KHDRBS2: variants seen among roughly 807,000 people sequenced by gnomAD.
The protein encoded by KHDRBS2 is KH RNA binding domain containing, signal transduction associated 2.
A neutral mutation model predicts 44.3 loss-of-function variants in KHDRBS2; 26 were observed. The ratio of observed to expected loss-of-function variants is 0.59; its 90% confidence interval spans 0.43 to 0.81. The LOEUF (loss-of-function observed/expected upper bound fraction) is 0.81. Ranked by LOEUF, KHDRBS2 falls within the 40% of genes least tolerant of loss-of-function variation. The pLI, the probability that KHDRBS2 is intolerant of heterozygous loss-of-function variation, is 0.00. For missense variants in KHDRBS2, 476 were observed against 433.1 expected, an observed-to-expected ratio of 1.10 and a Z score of -0.88; for synonymous variants, 194 against 151.1, an observed-to-expected ratio of 1.28 and a Z score of -2.08.
chr6:61,978,052 T>C lies in KHDRBS2; in HGVS notation c.483+14A>G. 6.4e-7 allele frequency: 1 copy of C among 1,567,870 alleles called. No homozygotes were observed. ...TGATAAGAAACATCTTTGTAAAAAA[T>C]GAAAGACACTTACAGGAACCAGGAA... On this transcript the variant is annotated intron_variant, in intron 4 of 8. Transcript: ENST00000281156.
chr6:61,982,683 A>AC (rs1395841768), intron 3 of KHDRBS2, among the ~76,000 whole-genome samples: 110 of 151,676 alleles, frequency 7.3e-4, no homozygotes, highest in African/African-American at 2.2e-3. Flanking sequence ...AAAAAAAAAA[A>AC]AAAAAGAACA....
the KHDRBS2 span, among the ~76,000 whole-genome samples, chr6:61,653,774 T>C: frequency 1.1e-4 from 17 of 151,952 alleles, no homozygotes; most frequent in Non-Finnish European, 5.9e-5. Context: ...ATTTATAACA[T>C]AGCAAAAGAA....
At chr6:61,741,349 A>G (rs1776108996) in intron 6 of KHDRBS2, among the ~76,000 whole-genome samples, 1 of 151,894 alleles carries the variant, frequency 6.6e-6, no homozygotes, top group Admixed American at 6.6e-5. Context: ...GTTGCTTGCA[A>G]CTCAGAAAAG....
chr6:61,651,826 G>T, the KHDRBS2 span, among the ~76,000 whole-genome samples: 8 of 152,078 alleles, frequency 5.3e-5, no homozygotes, highest in Non-Finnish European at 1.0e-4. Flanking sequence ...AAGATATCCA[G>T]ATTGTACTGG....
chr6:61,826,289 C>A (rs1437978841), intron 6 of KHDRBS2, among the ~76,000 whole-genome samples: 1 of 152,106 alleles, frequency 6.6e-6, no homozygotes, highest in East Asian at 1.9e-4. Context: ...TAACACCTGG[C>A]TTTCTCCTAT....
chr6:62,033,277 G>A (rs374177786), intron 3 of KHDRBS2, among the ~76,000 whole-genome samples: 8 of 151,968 alleles, frequency 5.3e-5, no homozygotes, highest in African/African-American at 1.4e-4. Context: ...TAGAGAAAGC[G>A]ATAAGGGTAT....
At position 62,177,220 on chromosome 6, in the gene KHDRBS2, C is replaced by G. The variant is rs1385947886; in HGVS notation, c.184G>C (p.Glu62Gln). Reference sequence around the variant, plus strand: ...TGCTTGACAGGAATCAGTACTCTTTCTGAGAGCTTTATGTTTTTGTTGCTG... The same window carrying G: ...TGCTTGACAGGAATCAGTACTCTTTGTGAGAGCTTTATGTTTTTGTTGCTG... ...VISNKNIKLS[E>Q]RVLIPVKQYP... is the part of the protein sequence containing the mutation. The change falls in exon 2 of 9, where the codon GAA (glutamate) becomes CAA (glutamine). Residue 62 changes from glutamate (E) to glutamine (Q), a missense_variant. Glu to Gln is a conservative substitution (Grantham distance 29). Transcript: ENST00000281156. 1 of 1,593,302 alleles carries G rather than the reference C, an allele frequency of 6.3e-7. No homozygotes were observed. Among genetic ancestry groups the G allele is most frequent in the Non-Finnish European group, 8.6e-7 (1 of 1,163,330 alleles).
At chr6:61,547,666 A>C in the KHDRBS2 span, among the ~76,000 whole-genome samples, 1 of 152,136 alleles carries the variant, frequency 6.6e-6, no homozygotes, top group Non-Finnish European at 1.5e-5. Flanking sequence ...AACACATGAA[A>C]ACAATGCTGG....
At chr6:61,642,856 T>G in the KHDRBS2 span, among the ~76,000 whole-genome samples, 2 of 152,160 alleles carry the variant, frequency 1.3e-5, 1 homozygote, top group Admixed American at 1.3e-4. Context: ...TATTACTTTA[T>G]AGTCTAAATT....
chr6:61,961,086 T>G (rs531426964), intron 4 of KHDRBS2, among the ~76,000 whole-genome samples: 2 of 152,222 alleles, frequency 1.3e-5, no homozygotes, highest in South Asian at 4.1e-4. Context: ...AAAGAGAAAC[T>G]TGAGAGAAAT....
chr6:62,061,145 T>C (rs1336158375), intron 2 of KHDRBS2, among the ~76,000 whole-genome samples: 1 of 151,948 alleles, frequency 6.6e-6, no homozygotes, highest in Admixed American at 6.6e-5. Context: ...AGTCTGTGTC[T>C]TTTAATTGGA....
At chr6:62,073,068 G>C (rs1339740381) in intron 2 of KHDRBS2, among the ~76,000 whole-genome samples, 2 of 151,960 alleles carry the variant, frequency 1.3e-5, no homozygotes, top group Non-Finnish European at 2.9e-5. Flanking sequence ...GTTTAGTCTT[G>C]GGAGGGTGTA....
At chr6:61,657,992 G>A in the KHDRBS2 span, among the ~76,000 whole-genome samples, 1 of 151,812 alleles carries the variant, frequency 6.6e-6, no homozygotes, top group Admixed American at 6.6e-5. Context: ...TGCCCCACAA[G>A]GTGGAATAAA....
chr6:61,924,057 A>C (rs1452173329), intron 4 of KHDRBS2, among the ~76,000 whole-genome samples: 1 of 152,116 alleles, frequency 6.6e-6, no homozygotes, highest in East Asian at 1.9e-4. Context: ...TGTAGTAAAA[A>C]ATTACATAAA....
At chr6:61,922,977 C>A (rs554825672) in intron 4 of KHDRBS2, among the ~76,000 whole-genome samples, 3 of 152,084 alleles carry the variant, frequency 2.0e-5, no homozygotes, top group Non-Finnish European at 2.9e-5. Context: ...TAAATTGACC[C>A]AGAATTGATA....
chr6:62,254,193 A>T (rs1837001054), intron 1 of KHDRBS2, among the ~76,000 whole-genome samples: 1 of 152,052 alleles, frequency 6.6e-6, no homozygotes, highest in African/African-American at 2.4e-5. Flanking sequence ...ATCACCTCAG[A>T]GCACAGAATA....
intron 2 of KHDRBS2, among the ~76,000 whole-genome samples, chr6:62,151,788 A>G (rs1294741743): frequency 6.6e-6 from 1 of 152,234 alleles, no homozygotes; most frequent in African/African-American, 2.4e-5. Context: ...GCAAAGAAGT[A>G]GCACTGGTGA....
In KHDRBS2 at chr6:61,680,414, G is replaced by A. The variant is rs1386034067; in HGVS notation, c.*549C>T. 6.6e-6 allele frequency: 1 copy of A among 151,808 alleles called. No individual in the cohort carries two copies. Among genetic ancestry groups the A allele is most frequent in the Non-Finnish European group, 1.5e-5 (1 of 67,824 alleles). 9.4% of individuals were successfully genotyped at this position (151,808 alleles called of 1,614,324 possible). A position where few individuals can be genotyped will look rare whatever the true frequency, so the allele number is the denominator to read the frequency against. On this transcript the variant is annotated 3_prime_UTR_variant, in exon 9 of 9. Transcript: ENST00000281156. Reference sequence around the variant, plus strand: ...AGTTAGCTACATACATACAGTAGCTGCTTGTTTTCAACCCCATTAAAACAG... The same window carrying A: ...AGTTAGCTACATACATACAGTAGCTACTTGTTTTCAACCCCATTAAAACAG...
intron 3 of KHDRBS2, among the ~76,000 whole-genome samples, chr6:62,015,871 G>A (rs1158849298): frequency 6.6e-6 from 1 of 152,092 alleles, no homozygotes; most frequent in Non-Finnish European, 1.5e-5. Flanking sequence ...AATCACAAAG[G>A]TTAAATTGTT....
Sources: gnomAD v4.1 joint callset for allele counts (sites outside exome capture counted in the v4.1 genomes callset) on GRCh38, gnomAD v4.1.1 for gene constraint, MANE v1.5 for transcripts, NCBI Gene and HGNC (gene_info 2026-07-23, HGNC 2026-07-21) for gene names.